Variants in VRK2 observed in about 807,000 individuals in gnomAD.
The protein encoded by VRK2 is VRK serine/threonine kinase 2, also known as serine/threonine-protein kinase VRK2.
A neutral mutation model predicts 57.6 loss-of-function variants in VRK2; 60 were observed. The observed-to-expected ratio is 1.04, with a 90% CI of 0.85 to 1.29. The LOEUF (loss-of-function observed/expected upper bound fraction) is 1.29. Among genes scored for constraint, VRK2 ranks in the 50% most tolerant of loss-of-function variants. VRK2 has a pLI of 0.00. For synonymous variants in VRK2, 231 were observed against 199.2 expected (o/e 1.16, Z -1.35); for missense variants, 705 against 588.1 (o/e 1.20, Z -2.06).
chr2:58,062,154 C>T (rs978035931), intron 2 of VRK2, among the ~76,000 whole-genome samples: 1 of 151,946 alleles, frequency 6.6e-6, no homozygotes, highest in Admixed American at 6.6e-5. Flanking sequence ...ATATCTGTTA[C>T]GGTGATCTGT....
At chr2:57,979,376 T>C (rs1672349010) in intron 1 of VRK2, among the ~76,000 whole-genome samples, 1 of 151,242 alleles carries the variant, frequency 6.6e-6, no homozygotes. Flanking sequence ...CATGCGATGG[T>C]ATCTCATTGT....
chr2:58,047,472 T>G (rs1675006657), intron 1 of VRK2: 1 of 985,278 alleles, frequency 1.0e-6, no homozygotes, highest in African/African-American at 1.7e-5. Context: ...CCCCAGGATG[T>G]ACATTTCGTA....
rs1018149837 is a variant in VRK2 at position 57,915,470 on chromosome 2, A to T, written c.-439+7631A>T. On this transcript the variant is annotated intron_variant, in intron 1 of 15. Transcript: ENST00000417641. Reference sequence around the variant, plus strand: ...GAAATCAGGTGAATGGATTAAAAAAATAAAGATACAATAATTATATACATA... The same window carrying T: ...GAAATCAGGTGAATGGATTAAAAAATTAAAGATACAATAATTATATACATA... Among the ~76,000 whole-genome samples, 70 of 152,302 alleles carry T rather than the reference A, an allele frequency of 4.6e-4. 2 individuals are homozygous for T. In the East Asian group the frequency reaches 0.012, roughly 26 times the overall value.
At chr2:57,957,370 G>A (rs1671618274) in intron 1 of VRK2, among the ~76,000 whole-genome samples, 1 of 151,868 alleles carries the variant, frequency 6.6e-6, no homozygotes, top group Non-Finnish European at 1.5e-5. Context: ...TGTGTTTCCA[G>A]TGATAGTGAA....
chr2:58,035,437 T>C (rs942702385), intron 3 of VRK2, among the ~76,000 whole-genome samples: 2 of 152,040 alleles, frequency 1.3e-5, no homozygotes, highest in Non-Finnish European at 2.9e-5. Flanking sequence ...GAAAGTATTA[T>C]GTACATTAAA....
intron 12 of VRK2, among the ~76,000 whole-genome samples, chr2:58,157,979 T>C (rs1684227232): frequency 6.6e-6 from 1 of 152,202 alleles, no homozygotes; most frequent in Non-Finnish European, 1.5e-5. Flanking sequence ...CTCAGTGTAC[T>C]GAAGACAACA....
At chr2:58,128,077 T>G (rs3771214) in intron 8 of VRK2, among the ~76,000 whole-genome samples, 12,212 of 152,232 alleles carry the variant, frequency 0.08, 516 homozygotes, top group South Asian at 0.13. Context: ...TAACTAAAGA[T>G]CCTTCTTTAT....
chr2:58,092,933 G>A (rs890903251), intron 7 of VRK2, among the ~76,000 whole-genome samples: 1 of 152,036 alleles, frequency 6.6e-6, no homozygotes, highest in Non-Finnish European at 1.5e-5. Flanking sequence ...TTGTTCTTGC[G>A]ATAGTTTCCT....
intron 11 of VRK2, among the ~76,000 whole-genome samples, chr2:58,140,592 C>A (rs1681191677): frequency 6.6e-6 from 1 of 151,962 alleles, no homozygotes; most frequent in Admixed American, 6.6e-5. Context: ...TTCTTATGAA[C>A]TTTGGATCAT....
intron 1 of VRK2, among the ~76,000 whole-genome samples, chr2:57,980,930 A>G (rs916114743): frequency 2.6e-5 from 4 of 152,050 alleles, no homozygotes; most frequent in African/African-American, 4.8e-5. Context: ...GTGTCATTGC[A>G]TATGAGACAT....
In VRK2 at chr2:58,120,803, G is replaced by A. The variant is rs554166644; in HGVS notation, c.544-2298G>A. Among the ~76,000 whole-genome samples, 12 of 152,282 alleles carry A rather than the reference G, an allele frequency of 7.9e-5. 1 individual carries two copies. The South Asian group carries it at 2.5e-3, about 32-fold the overall frequency. On this transcript the variant is annotated intron_variant, in intron 7 of 12. Coordinates refer to ENST00000340157, the MANE Select transcript of VRK2 (RefSeq NM_006296.7). ...TGCAGGATATTAGTCATTGTGGGAG[G>A]TAGGAGCCTTAGTACCAATTAGCAA...
At chr2:58,003,410 A>G (rs1044761822) in intron 1 of VRK2, among the ~76,000 whole-genome samples, 1 of 152,100 alleles carries the variant, frequency 6.6e-6, no homozygotes, top group Non-Finnish European at 1.5e-5. Context: ...CGGGAAAATT[A>G]TTTTATGTTT....
chr2:58,049,776 A>G (rs1243530270), intron 2 of VRK2, among the ~76,000 whole-genome samples: 2 of 152,188 alleles, frequency 1.3e-5, no homozygotes, highest in African/African-American at 4.8e-5. Context: ...TTGATAAAAT[A>G]CCTCCGTTGA....
intron 1 of VRK2, among the ~76,000 whole-genome samples, chr2:57,965,924 A>G (rs1241373542): frequency 2.0e-5 from 3 of 152,168 alleles, no homozygotes; most frequent in Non-Finnish European, 4.4e-5. Context: ...TTGTTATACA[A>G]TCCTTTACAC....
chr2:58,102,510 C>G (rs1409382350), intron 7 of VRK2, among the ~76,000 whole-genome samples: 1 of 141,754 alleles, frequency 7.1e-6, no homozygotes, highest in Non-Finnish European at 1.5e-5. Context: ...AAAAAAAAGA[C>G]AAAGGAGGTT....
intron 1 of VRK2, among the ~76,000 whole-genome samples, chr2:57,916,497 A>G (rs139341199): frequency 6.6e-6 from 1 of 152,094 alleles, no homozygotes; most frequent in East Asian, 1.9e-4. Context: ...AGGTTAGCCT[A>G]TAAGTTTTGA....
intron 2 of VRK2, among the ~76,000 whole-genome samples, chr2:58,073,675 TA>T (rs1669671665): frequency 1.4e-5 from 2 of 147,664 alleles, no homozygotes; most frequent in Non-Finnish European, 3.0e-5. Context: ...TTTATATTTA[TA>T]TTTATATAAA....
At chr2:58,158,415 T>C (rs933349707) in intron 12 of VRK2, among the ~76,000 whole-genome samples, 1 of 152,174 alleles carries the variant, frequency 6.6e-6, no homozygotes, top group Non-Finnish European at 1.5e-5. Context: ...CTTTGTTTTA[T>C]GTAGGACTCC....
intron 7 of VRK2, among the ~76,000 whole-genome samples, chr2:58,118,940 G>A (rs1676972366): frequency 6.6e-6 from 1 of 152,164 alleles, no homozygotes; most frequent in African/African-American, 2.4e-5. Context: ...GCCAGGAGAA[G>A]GAAATTCACA....
Sources: allele counts gnomAD v4.1 joint callset (sites outside exome capture counted in the v4.1 genomes callset), GRCh38; gene constraint gnomAD v4.1.1; transcripts MANE v1.5; gene names NCBI Gene and HGNC (gene_info 2026-07-23, HGNC 2026-07-21).